The following MACF1 variants were observed in gnomAD, a reference collection of about 807,000 sequenced individuals.
MACF1 encodes microtubule actin crosslinking factor 1.
MACF1 carries 193 observed loss-of-function variants against 854.8 expected under a neutral mutation model. The ratio of observed to expected loss-of-function variants is 0.23; its 90% CI spans 0.20 to 0.25. MACF1 has a LOEUF of 0.25. MACF1 is among the 10% of genes least tolerant of loss of function. The pLI is 1.00. For synonymous variants in MACF1, 3,185 were observed against 3,226.7 expected, an observed-to-expected ratio of 0.99 and a Z score of 0.44; for missense variants, 7,722 against 8,929.1, an observed-to-expected ratio of 0.86 and a Z score of 5.45.
intron 58 of MACF1, among the ~76,000 whole-genome samples, chr1:39,416,617 G>A (rs1369738408): frequency 1.3e-5 from 2 of 152,186 alleles, no homozygotes; most frequent in Non-Finnish European, 2.9e-5. Flanking sequence ...TAGAAATCCT[G>A]TATCAGTCTC....
At chr1:39,302,225 T>A (rs562026937) in intron 22 of MACF1, among the ~76,000 whole-genome samples, 1 of 152,296 alleles carries the variant, frequency 6.6e-6, no homozygotes, top group South Asian at 2.1e-4. Flanking sequence ...CTTGAACTCC[T>A]GGGCTCAAGC....
intron 2 of MACF1, among the ~76,000 whole-genome samples, chr1:39,100,598 A>G (rs1278227355): frequency 6.6e-6 from 1 of 152,216 alleles, no homozygotes; most frequent in African/African-American, 2.4e-5. Context: ...TCATGCCTGT[A>G]ATCCCAGAAC....
rs150830163 is a variant in MACF1 at position 39,397,527 on chromosome 1, G to A, written c.15816+8869G>A. On this transcript the variant is annotated intron_variant, in intron 58 of 100. Coordinates refer to ENST00000564288, the MANE Select transcript of MACF1 (RefSeq NM_001394062.1). ...CAGTGAGCTGAGATCATGCCATTGC[G>A]CTCCAGCCTGGGCAACGAGCGAAAC... Among the ~76,000 whole-genome samples, 223 of 151,136 alleles carry A rather than the reference G, an allele frequency of 1.5e-3. 4 individuals carry two copies. The East Asian group carries it at 0.025, about 17-fold the overall frequency.
At chr1:39,208,455 CT>C (rs1002371028) in intron 1 of MACF1, among the ~76,000 whole-genome samples, 5 of 149,038 alleles carry the variant, frequency 3.4e-5, no homozygotes, top group Non-Finnish European at 1.5e-5. Flanking sequence ...AACAGGGACT[CT>C]TTTTTTTTTC....
intron 1 of MACF1, among the ~76,000 whole-genome samples, chr1:39,211,429 A>G (rs1354276447): frequency 6.6e-6 from 1 of 152,110 alleles, no homozygotes; most frequent in Non-Finnish European, 1.5e-5. Context: ...AATTTTTTAA[A>G]TTTAAAAAAA....
intron 2 of MACF1, among the ~76,000 whole-genome samples, chr1:39,108,250 A>G (rs1206603415): frequency 6.6e-6 from 1 of 152,172 alleles, no homozygotes; most frequent in Non-Finnish European, 1.5e-5. Flanking sequence ...GAACCAGGGT[A>G]TATCCTTCAT....
At chr1:39,192,580 A>G (rs1249993002) in intron 2 of MACF1, among the ~76,000 whole-genome samples, 1 of 152,214 alleles carries the variant, frequency 6.6e-6, no homozygotes, top group African/African-American at 2.4e-5. Context: ...GAACTTGTAT[A>G]ATGAAAGTTC....
At chr1:39,475,799 T>G (rs1199934602) in intron 97 of MACF1, among the ~76,000 whole-genome samples, 2 of 152,056 alleles carry the variant, frequency 1.3e-5, no homozygotes, top group Admixed American at 1.3e-4. Flanking sequence ...ACTAATATAT[T>G]TGGAGTTGGG....
At chr1:39,361,081 A>C in intron 48 of MACF1, 80 bp downstream of exon 48, 1 of 1,179,118 alleles carries the variant, frequency 8.5e-7, no homozygotes, top group Non-Finnish European at 1.2e-6. Context: ...AAAAGTAACA[A>C]GAGGGAACCT....
At chr1:39,171,221 G>GTA (rs902662171) in intron 2 of MACF1, among the ~76,000 whole-genome samples, 1 of 151,812 alleles carries the variant, frequency 6.6e-6, no homozygotes, top group African/African-American at 2.4e-5. Flanking sequence ...GTGTGTGTGT[G>GTA]TGTGTGTATG....
chr1:39,337,561 C>CTTTT (rs1646835408), intron 38 of MACF1, among the ~76,000 whole-genome samples: 12 of 46,474 alleles, frequency 2.6e-4, no homozygotes, highest in East Asian at 5.6e-4. Flanking sequence ...TAATTACTAC[C>CTTTT]ATTTTTTTTT....
chr1:39,453,551 A>G (rs2148682808), intron 87 of MACF1, among the ~76,000 whole-genome samples, 156 bp from the exon 88 acceptor site: 1 of 152,342 alleles, frequency 6.6e-6, no homozygotes, highest in East Asian at 1.9e-4. Flanking sequence ...ATCTTTTAGA[A>G]TGAAAATGCC....
At position 39,332,614 on chromosome 1, in the gene MACF1, G is replaced by T. The variant is rs1646747060; in HGVS notation, c.6026G>T (p.Gly2009Val). The T allele has an allele frequency of 6.2e-7, 1 of 1,613,946 alleles. No individual in the cohort carries two copies. Among genetic ancestry groups the T allele is most frequent in the African/African-American group, 1.3e-5 (1 of 74,886 alleles). Residue 2009 changes from glycine (G) to valine (V), a missense_variant, in exon 37 of 101, where the codon GGG becomes GTG. This residue lies in a region of MACF1 where 1,531 missense variants were observed against 1,601.6 expected (regional missense o/e 0.96). Transcript: ENST00000564288. The part of the protein sequence containing the change: ...QTSPPKVVEI[G>V]HQRQKTPEGL... ...AGTCCTCCAAAAGTGGTTGAAATTG[G>T]GCATCAAAGGCAAAAAACTCCTGAG...
chr1:39,434,914 A>G (rs1181218980), intron 69 of MACF1, among the ~76,000 whole-genome samples: 8 of 152,224 alleles, frequency 5.3e-5, no homozygotes. Flanking sequence ...TTCCGGGGAT[A>G]ATAGGGTGTT....
intron 88 of MACF1, 61 bp downstream of exon 88, chr1:39,453,911 A>C: frequency 6.5e-7 from 1 of 1,527,274 alleles, no homozygotes; most frequent in Non-Finnish European, 8.9e-7. Context: ...ATAGTATAGT[A>C]TAGTATTTTT....
chr1:39,272,438 C>T (rs1645342672), intron 6 of MACF1, among the ~76,000 whole-genome samples: 1 of 152,212 alleles, frequency 6.6e-6, no homozygotes, highest in Non-Finnish European at 1.5e-5. Flanking sequence ...GTCAGAAGAG[C>T]AGCTGCTGCT....
chr1:39,474,469 G>C (rs985550846), intron 97 of MACF1, among the ~76,000 whole-genome samples: 1 of 152,080 alleles, frequency 6.6e-6, no homozygotes. Flanking sequence ...GCTGAGCCGG[G>C]CGGATCACCC....
intron 2 of MACF1, among the ~76,000 whole-genome samples, chr1:39,194,879 A>T (rs771439807): frequency 6.6e-6 from 1 of 151,804 alleles, no homozygotes; most frequent in Non-Finnish European, 1.5e-5. Flanking sequence ...TGTTTTGGAG[A>T]GATGGGGTCT....
At chr1:39,177,957 G>T (rs1313937525) in intron 2 of MACF1, among the ~76,000 whole-genome samples, 1 of 152,020 alleles carries the variant, frequency 6.6e-6, no homozygotes, top group African/African-American at 2.4e-5. Flanking sequence ...AATCTGGGTG[G>T]TAGTTATTTC....
Sources: allele counts gnomAD v4.1 joint callset (sites outside exome capture counted in the v4.1 genomes callset), GRCh38; gene constraint gnomAD v4.1.1; regional missense constraint gnomAD v4.1.1; transcripts MANE v1.5; gene names NCBI Gene and HGNC (gene_info 2026-07-23, HGNC 2026-07-21).